Variants in CTNNA3 observed in about 807,000 individuals in gnomAD.
The protein encoded by CTNNA3 is catenin alpha 3.
In CTNNA3, 76 loss-of-function variants were observed where a neutral mutation model predicts 95.7. That is an observed-to-expected ratio of 0.79 (90% confidence interval 0.66 to 0.96). CTNNA3 has a LOEUF of 0.96. Among genes scored for constraint, CTNNA3 ranks in the 40% least tolerant of loss-of-function variants. The pLI is 0.00. For synonymous variants in CTNNA3, 431 were observed against 374.4 expected (o/e 1.15, Z -1.74); for missense variants, 1,191 against 1,089.8 (o/e 1.09, Z -1.31).
chr10:67,511,871 G>C (rs1839644164), intron 5 of CTNNA3, among the ~76,000 whole-genome samples: 1 of 152,108 alleles, frequency 6.6e-6, no homozygotes, highest in African/African-American at 2.4e-5. Flanking sequence ...CTCAATTTCA[G>C]AGCCTGATAT....
In CTNNA3 at chr10:66,296,795, C is replaced by T. The variant is rs555380889; in HGVS notation, c.1733-16174G>A. Among the ~76,000 whole-genome samples the T allele has an allele frequency of 3.9e-5, 6 of 152,170 alleles. No homozygotes were observed. The South Asian group carries it at 1.0e-3, about 26-fold the overall frequency. On this transcript the variant is annotated intron_variant, in intron 12 of 17. Transcript: ENST00000433211. Reference sequence around the variant, plus strand: ...GGTTGTGTCATGCTTTACCCCCTGGCTTTAACACATCCACAAGGCTTTGAA... The same window carrying T: ...GGTTGTGTCATGCTTTACCCCCTGGTTTTAACACATCCACAAGGCTTTGAA...
chr10:67,441,349 G>A (rs2132932491), intron 5 of CTNNA3, among the ~76,000 whole-genome samples: 1 of 151,488 alleles, frequency 6.6e-6, no homozygotes, highest in South Asian at 2.1e-4. Context: ...AAGAATTATT[G>A]GTCTTAAAGA....
chr10:65,928,426 T>G (rs2077200344), intron 17 of CTNNA3, among the ~76,000 whole-genome samples: 1 of 152,176 alleles, frequency 6.6e-6, no homozygotes, highest in African/African-American at 2.4e-5. Flanking sequence ...ATCCTCTTTT[T>G]TATGTTCTTA....
chr10:66,245,739 A>C (rs1302498517), intron 13 of CTNNA3, among the ~76,000 whole-genome samples: 4 of 151,988 alleles, frequency 2.6e-5, no homozygotes, highest in Non-Finnish European at 5.9e-5. Context: ...TGTTCTCTAC[A>C]GCTGATAGTC....
intron 5 of CTNNA3, among the ~76,000 whole-genome samples, chr10:67,452,909 A>G (rs1847044449): frequency 6.6e-6 from 1 of 152,228 alleles, no homozygotes; most frequent in African/African-American, 2.4e-5. Context: ...TAAAAATTAT[A>G]TAATCATATC....
At chr10:66,824,828 C>T (rs544546020) in intron 7 of CTNNA3, among the ~76,000 whole-genome samples, 47 of 152,090 alleles carry the variant, frequency 3.1e-4, no homozygotes, top group Non-Finnish European at 5.3e-4. Context: ...AATCCCATAA[C>T]GGGATCCTGG....
chr10:67,314,752 CT>C (rs1285553628), intron 5 of CTNNA3, among the ~76,000 whole-genome samples: 1 of 152,110 alleles, frequency 6.6e-6, no homozygotes, highest in African/African-American at 2.4e-5. Flanking sequence ...GATAAAATTG[CT>C]AATGTCCAAA....
intron 14 of CTNNA3, among the ~76,000 whole-genome samples, chr10:66,087,756 A>T (rs998732416): frequency 1.3e-5 from 2 of 152,132 alleles, no homozygotes; most frequent in African/African-American, 4.8e-5. Context: ...ACTAAAATCT[A>T]TTCTGCAATT....
intron 7 of CTNNA3, among the ~76,000 whole-genome samples, chr10:67,000,083 T>G (rs1851589405): frequency 6.6e-6 from 1 of 152,184 alleles, no homozygotes; most frequent in Non-Finnish European, 1.5e-5. Context: ...ATGATAGCAT[T>G]TTCTCCATAT....
At chr10:67,418,145 C>A (rs958282110) in intron 5 of CTNNA3, among the ~76,000 whole-genome samples, 9 of 152,100 alleles carry the variant, frequency 5.9e-5, no homozygotes, top group Non-Finnish European at 1.2e-4. Flanking sequence ...GAAATAACGT[C>A]TTTTATTCCT....
At chr10:67,503,000 G>A (rs912072877) in intron 5 of CTNNA3, among the ~76,000 whole-genome samples, 8 of 152,190 alleles carry the variant, frequency 5.3e-5, no homozygotes, top group African/African-American at 1.9e-4. Context: ...TGGCATTCCA[G>A]TTGTCACTGG....
rs550552224 is a variant in CTNNA3 at position 65,920,170 on chromosome 10, A to G, written c.*160T>C. On this transcript the variant is annotated 3_prime_UTR_variant, in exon 18 of 18. Transcript: ENST00000433211. ...ACAGAAATGACAGTGATATGATCCCAAATATATATTGCTTTTGTTGATTTA... is the reference window on the plus strand; with the variant it reads ...ACAGAAATGACAGTGATATGATCCCGAATATATATTGCTTTTGTTGATTTA... The G allele has an allele frequency of 1.6e-6, 1 of 632,096 alleles. No individual in the cohort carries two copies. The highest frequency in any genetic ancestry group is 2.0e-5 in the South Asian group (1 of 50,436). The allele number at this position is 632,096 out of a possible 1,614,324, so 39.2% of individuals were successfully genotyped here. A position where few individuals can be genotyped will look rare whatever the true frequency, so the allele number is the denominator to read the frequency against.
At position 66,889,468 on chromosome 10, in the gene CTNNA3, G is replaced by A. The variant is rs115884043; in HGVS notation, c.1048-113944C>T. ...AATGGGGGAGGCTGTGCCTATGTGA[G>A]TGCAGTGTGTATGTGGTAAATCTAT... is the stretch of plus-strand genomic sequence containing the variant. On this transcript the variant is annotated intron_variant, in intron 7 of 17. Coordinates refer to ENST00000433211, the MANE Select transcript of CTNNA3 (RefSeq NM_013266.4). 7.5e-3 allele frequency among the ~76,000 whole-genome samples: 1,145 copies of A among 152,262 alleles called. 19 individuals are homozygous for A. The highest frequency in any genetic ancestry group is 0.026 in the African/African-American group (1,062 of 41,544).
intron 13 of CTNNA3, among the ~76,000 whole-genome samples, chr10:66,173,538 C>T (rs1222102559): frequency 6.6e-6 from 1 of 151,820 alleles, no homozygotes; most frequent in Non-Finnish European, 1.5e-5. Context: ...AAAAAATTAG[C>T]CAGGCATGGT....
chr10:66,261,009 A>T (rs1177446602), intron 13 of CTNNA3, among the ~76,000 whole-genome samples: 3 of 151,988 alleles, frequency 2.0e-5, no homozygotes, highest in Non-Finnish European at 4.4e-5. Flanking sequence ...ATTTTAAGTT[A>T]TTTGTTTTCT....
chr10:67,268,455 A>G (rs1446052824), intron 5 of CTNNA3, among the ~76,000 whole-genome samples: 1 of 152,086 alleles, frequency 6.6e-6, no homozygotes, highest in Admixed American at 6.6e-5. Flanking sequence ...CAGGAGTTCA[A>G]GGCTGCAGGG....
intron 7 of CTNNA3, among the ~76,000 whole-genome samples, chr10:66,838,039 T>A (rs1842938234): frequency 6.6e-6 from 1 of 152,088 alleles, no homozygotes. Flanking sequence ...CCTCATTCAC[T>A]GCATCACCTA....
intron 1 of CTNNA3, among the ~76,000 whole-genome samples, chr10:67,741,016 G>A (rs1449245997): frequency 1.3e-5 from 2 of 151,042 alleles, no homozygotes; most frequent in African/African-American, 2.4e-5. Flanking sequence ...GTAGGGACAT[G>A]GATGAAATTG....
intron 11 of CTNNA3, among the ~76,000 whole-genome samples, chr10:66,412,893 G>A (rs1342457172): frequency 6.6e-6 from 1 of 151,984 alleles, no homozygotes; most frequent in Non-Finnish European, 1.5e-5. Flanking sequence ...AGTCACATAG[G>A]TGTAATAACT....
Sources: allele counts gnomAD v4.1 joint callset (sites outside exome capture counted in the v4.1 genomes callset), GRCh38; gene constraint gnomAD v4.1.1; transcripts MANE v1.5; gene names NCBI Gene and HGNC (gene_info 2026-07-23, HGNC 2026-07-21).